CNTN4: variants seen among roughly 807,000 people sequenced by gnomAD.
The protein encoded by CNTN4 is contactin-4.
Under a neutral mutation model 122.5 loss-of-function variants are expected in CNTN4, and 77 were observed. That is an observed-to-expected ratio of 0.63 (90% CI 0.52 to 0.76). CNTN4 has a LOEUF of 0.76. CNTN4 is among the 30% of genes least tolerant of loss of function. CNTN4 has a pLI of 0.00. For synonymous variants in CNTN4, 512 were observed against 447.0 expected (o/e 1.15, Z -1.83); for missense variants, 1,256 against 1,259.1 (o/e 1.00, Z 0.04).
intron 3 of CNTN4, among the ~76,000 whole-genome samples, chr3:2,498,436 C>A (rs989174719): frequency 6.6e-6 from 1 of 152,024 alleles, no homozygotes; most frequent in African/African-American, 2.4e-5. Context: ...GCAATATTTT[C>A]GCTAATTTTT....
chr3:2,125,195 T>C (rs2034064788), intron 2 of CNTN4, among the ~76,000 whole-genome samples: 2 of 152,152 alleles, frequency 1.3e-5, no homozygotes, highest in Middle Eastern at 3.2e-3. Context: ...AGATACCTTA[T>C]ATAAGTAGAA....
chr3:2,288,870 C>T (rs1262100900), intron 2 of CNTN4, among the ~76,000 whole-genome samples: 2 of 152,054 alleles, frequency 1.3e-5, no homozygotes, highest in South Asian at 2.1e-4. Flanking sequence ...CTTGAATGTT[C>T]ATTCAGTGAC....
chr3:2,287,300 C>T (rs910972025), intron 2 of CNTN4, among the ~76,000 whole-genome samples: 6 of 152,052 alleles, frequency 3.9e-5, no homozygotes, highest in African/African-American at 1.4e-4. Flanking sequence ...TTGAAATGGG[C>T]TGTGTATAAA....
At chr3:2,229,768 G>A (rs2149536152) in intron 2 of CNTN4, among the ~76,000 whole-genome samples, 1 of 152,254 alleles carries the variant, frequency 6.6e-6, no homozygotes, top group South Asian at 2.1e-4. Flanking sequence ...AAAACCTGCT[G>A]AATAAGTACT....
chr3:2,712,475 A>G (rs2087209964), intron 4 of CNTN4, among the ~76,000 whole-genome samples: 1 of 152,166 alleles, frequency 6.6e-6, no homozygotes, highest in African/African-American at 2.4e-5. Context: ...GTAACAGAAA[A>G]CCAGATTAAC....
At chr3:2,284,667 C>A (rs2149927339) in intron 2 of CNTN4, among the ~76,000 whole-genome samples, 1 of 151,712 alleles carries the variant, frequency 6.6e-6, no homozygotes, top group East Asian at 1.9e-4. Context: ...AAATCAAATT[C>A]CTGCAATAGA....
chr3:2,105,748 A>C (rs1187605578), intron 2 of CNTN4, among the ~76,000 whole-genome samples: 2 of 152,154 alleles, frequency 1.3e-5, no homozygotes, highest in African/African-American at 4.8e-5. Flanking sequence ...CCCAAATATC[A>C]TGTCTTTTCA....
At chr3:2,587,824 C>T (rs1033263748) in intron 4 of CNTN4, among the ~76,000 whole-genome samples, 1 of 151,432 alleles carries the variant, frequency 6.6e-6, no homozygotes, top group Non-Finnish European at 1.5e-5. Context: ...CTTTTTCTTT[C>T]TTTCTTTTTT....
chr3:2,776,720 G>C (rs1374765605), intron 6 of CNTN4, among the ~76,000 whole-genome samples: 2 of 152,108 alleles, frequency 1.3e-5, no homozygotes, highest in East Asian at 3.8e-4. Flanking sequence ...AATATTTGTT[G>C]ATTACCTATA....
intron 3 of CNTN4, among the ~76,000 whole-genome samples, chr3:2,383,611 C>T (rs1006482692): frequency 3.3e-5 from 5 of 151,752 alleles, no homozygotes; most frequent in Non-Finnish European, 7.4e-5. Context: ...TCTCCTTCTG[C>T]TCCCTCTCCC....
At chr3:2,617,676 C>T (rs936019469) in intron 4 of CNTN4, among the ~76,000 whole-genome samples, 1 of 152,030 alleles carries the variant, frequency 6.6e-6, no homozygotes, top group Non-Finnish European at 1.5e-5. Context: ...CTGTCTCGGC[C>T]TCCCAAAGTG....
chr3:2,851,419 T>A (rs574987725), intron 7 of CNTN4, among the ~76,000 whole-genome samples: 6 of 152,208 alleles, frequency 3.9e-5, no homozygotes, highest in Non-Finnish European at 8.8e-5. Context: ...TACTCTGTCT[T>A]ACTCTGATGG....
chr3:2,167,759 T>A (rs1164120008), intron 2 of CNTN4, among the ~76,000 whole-genome samples: 2 of 152,228 alleles, frequency 1.3e-5, no homozygotes, highest in Non-Finnish European at 2.9e-5. Flanking sequence ...TTCTTTGTTT[T>A]CACCCTGGCC....
chr3:2,968,600 A>G (rs1692564360), intron 13 of CNTN4, among the ~76,000 whole-genome samples: 1 of 152,238 alleles, frequency 6.6e-6, no homozygotes. Context: ...ATCAGCCACT[A>G]AAAGGGAAGT....
intron 15 of CNTN4, among the ~76,000 whole-genome samples, 169 bp from the exon 16 acceptor site, chr3:3,030,686 T>A (rs1401567680): frequency 6.6e-6 from 1 of 152,218 alleles, no homozygotes; most frequent in East Asian, 1.9e-4. Flanking sequence ...ACGTCGGTGT[T>A]CCCATCTCTC....
intron 4 of CNTN4, among the ~76,000 whole-genome samples, chr3:2,688,016 G>T (rs545166553): frequency 6.6e-6 from 1 of 152,168 alleles, no homozygotes; most frequent in African/African-American, 2.4e-5. Flanking sequence ...TGGTATATTT[G>T]CTCTCAATTG....
chr3:2,673,352 G>T (rs777419858), intron 4 of CNTN4, among the ~76,000 whole-genome samples: 4 of 152,108 alleles, frequency 2.6e-5, no homozygotes, highest in Non-Finnish European at 4.4e-5. Flanking sequence ...CTCTTGCAGA[G>T]ACTGATTGCA....
chr3:2,663,200 A>G (rs1384241537), intron 4 of CNTN4, among the ~76,000 whole-genome samples: 1 of 152,186 alleles, frequency 6.6e-6, no homozygotes, highest in East Asian at 1.9e-4. Context: ...AATGATGGCG[A>G]TTTATTAAAG....
At chr3:2,727,684 C>T (rs1247455336) in intron 4 of CNTN4, among the ~76,000 whole-genome samples, 2 of 152,156 alleles carry the variant, frequency 1.3e-5, no homozygotes, top group East Asian at 1.9e-4. Flanking sequence ...GCATTACAAA[C>T]GATTAGGGCT....
Sources: gnomAD v4.1 joint callset for allele counts (sites outside exome capture counted in the v4.1 genomes callset) on GRCh38, gnomAD v4.1.1 for gene constraint, MANE v1.5 for transcripts, NCBI Gene and HGNC (gene_info 2026-07-23, HGNC 2026-07-21) for gene names.